The following PRKCA variants were observed in gnomAD, a reference collection of about 807,000 sequenced individuals.
The protein encoded by PRKCA is protein kinase C alpha type.
A neutral mutation model predicts 87.0 loss-of-function variants in PRKCA; 27 were observed. That is an observed-to-expected ratio of 0.31 (90% CI 0.23 to 0.43). The LOEUF is 0.43. Among genes scored for constraint, PRKCA ranks in the 20% least tolerant of loss-of-function variants. PRKCA has a pLI of 1.00. For synonymous variants in PRKCA, 329 were observed against 311.1 expected (o/e 1.06, Z -0.61); for missense variants, 518 against 852.3 (o/e 0.61, Z 4.88).
chr17:66,598,155 C>T (rs1970021397), intron 3 of PRKCA, among the ~76,000 whole-genome samples: 1 of 4,834 alleles, frequency 2.1e-4, no homozygotes, highest in South Asian at 0.011. Context: ...GGCATTGAAT[C>T]TGTAAATTAC....
At chr17:66,447,657 T>C (rs1192119298) in intron 2 of PRKCA, among the ~76,000 whole-genome samples, 1 of 152,214 alleles carries the variant, frequency 6.6e-6, no homozygotes, top group Non-Finnish European at 1.5e-5. Flanking sequence ...CTAGACTCAG[T>C]GTGACCATCT....
rs754111106 is a variant in PRKCA at position 66,741,638 on chromosome 17, G to C, written c.1323-21G>C. On this transcript the variant is annotated intron_variant, in intron 11 of 16. Transcript: ENST00000413366. ...ATCTAAGGAAGCAAGTGAGAAACCT[G>C]AAGCCCGTTTTCTTTTGCAGATTCT... 29 of 1,613,754 alleles carry C rather than the reference G, an allele frequency of 1.8e-5. No individual in the cohort carries two copies. In the Admixed American group the frequency reaches 4.8e-4, roughly 27 times the overall value.
intron 3 of PRKCA, among the ~76,000 whole-genome samples, chr17:66,501,261 G>A (rs923630439): frequency 6.6e-6 from 1 of 152,196 alleles, no homozygotes; most frequent in South Asian, 2.1e-4. Context: ...TTGAGAGTAT[G>A]CATTAGTGCA....
At chr17:66,356,895 C>T (rs1598613012) in intron 2 of PRKCA, among the ~76,000 whole-genome samples, 1 of 152,302 alleles carries the variant, frequency 6.6e-6, no homozygotes, top group Non-Finnish European at 1.5e-5. Flanking sequence ...GCTGAGACTA[C>T]AGCCACACCA....
chr17:66,603,848 G>A (rs1455667745), intron 3 of PRKCA, among the ~76,000 whole-genome samples: 2 of 152,126 alleles, frequency 1.3e-5, no homozygotes, highest in Non-Finnish European at 2.9e-5. Flanking sequence ...CCTCACATAA[G>A]CAGAATCATT....
intron 3 of PRKCA, among the ~76,000 whole-genome samples, chr17:66,618,327 C>A (rs1970571303): frequency 6.7e-6 from 1 of 148,432 alleles, no homozygotes; most frequent in Non-Finnish European, 1.5e-5. Flanking sequence ...TGCACTCCAG[C>A]CTGGCCAATG....
intron 3 of PRKCA, among the ~76,000 whole-genome samples, chr17:66,572,603 G>C (rs953931764): frequency 1.3e-5 from 2 of 152,112 alleles, no homozygotes; most frequent in African/African-American, 4.8e-5. Context: ...GGGCTCAAAA[G>C]ATCCTCCCAC....
intron 3 of PRKCA, among the ~76,000 whole-genome samples, chr17:66,497,261 G>A (rs1916515943): frequency 1.3e-5 from 2 of 152,140 alleles, no homozygotes; most frequent in Admixed American, 1.3e-4. Flanking sequence ...ACTTTGGAAG[G>A]CTGAGGCGGG....
chr17:66,413,979 C>T (rs1418495572), intron 2 of PRKCA, among the ~76,000 whole-genome samples: 3 of 148,096 alleles, frequency 2.0e-5, no homozygotes, highest in Non-Finnish European at 3.0e-5. Context: ...CACCACTGCT[C>T]TCCAGTCTGG....
At chr17:66,723,844 C>T (rs1198919359) in intron 8 of PRKCA, among the ~76,000 whole-genome samples, 1 of 152,098 alleles carries the variant, frequency 6.6e-6, no homozygotes, top group African/African-American at 2.4e-5. Flanking sequence ...TCCAGAGTCA[C>T]ACAGCAAAAA....
At chr17:66,362,145 C>T (rs1598615883) in intron 2 of PRKCA, among the ~76,000 whole-genome samples, 1 of 152,064 alleles carries the variant, frequency 6.6e-6, no homozygotes, top group Non-Finnish European at 1.5e-5. Flanking sequence ...AAGCGATTCT[C>T]CTGCCTCAGT....
intron 3 of PRKCA, among the ~76,000 whole-genome samples, chr17:66,557,710 C>CT (rs1968543687): frequency 6.6e-6 from 1 of 152,160 alleles, no homozygotes; most frequent in African/African-American, 2.4e-5. Context: ...TTCAGCAATA[C>CT]TATCAGTGCT....
intron 2 of PRKCA, among the ~76,000 whole-genome samples, chr17:66,388,177 G>A (rs1910168573): frequency 6.6e-6 from 1 of 152,186 alleles, no homozygotes; most frequent in Non-Finnish European, 1.5e-5. Context: ...AGGATATGTG[G>A]GTGGGAGGGG....
intron 2 of PRKCA, among the ~76,000 whole-genome samples, chr17:66,421,384 A>G (rs1163675815): frequency 7.1e-6 from 1 of 140,274 alleles, no homozygotes; most frequent in African/African-American, 2.7e-5. Flanking sequence ...ACTTACCTCT[A>G]TTGTCAGTTT....
At chr17:66,371,738 G>A (rs1366593877) in intron 2 of PRKCA, among the ~76,000 whole-genome samples, 7 of 152,202 alleles carry the variant, frequency 4.6e-5, no homozygotes, top group African/African-American at 7.2e-5. Context: ...AGGCCACTAG[G>A]TGATACATTA....
intron 3 of PRKCA, among the ~76,000 whole-genome samples, chr17:66,557,668 G>T (rs1176287408): frequency 2.0e-5 from 3 of 152,100 alleles, no homozygotes; most frequent in Admixed American, 6.5e-5. Flanking sequence ...CCTTTTCTAG[G>T]ATGCTTTATA....
At chr17:66,697,828 A>G (rs914607151) in intron 8 of PRKCA, among the ~76,000 whole-genome samples, 1 of 145,800 alleles carries the variant, frequency 6.9e-6, no homozygotes, top group Non-Finnish European at 1.5e-5. Context: ...ATGTGCCCCC[A>G]TGGACAGTGA....
chr17:66,802,398 G>T (rs1975921330), intron 16 of PRKCA, among the ~76,000 whole-genome samples: 1 of 152,038 alleles, frequency 6.6e-6, no homozygotes, highest in Non-Finnish European at 1.5e-5. Context: ...GGTGGCTCAT[G>T]CCTGTAATCC....
chr17:66,740,226 C>T (rs545483683), intron 11 of PRKCA, among the ~76,000 whole-genome samples: 4 of 151,986 alleles, frequency 2.6e-5, no homozygotes, highest in Non-Finnish European at 4.4e-5. Context: ...CGGGAGTCGG[C>T]AGCACAGGAG....
Sources: gnomAD v4.1 joint callset for allele counts (sites outside exome capture counted in the v4.1 genomes callset) on GRCh38, gnomAD v4.1.1 for gene constraint, MANE v1.5 for transcripts, NCBI Gene and HGNC (gene_info 2026-07-23, HGNC 2026-07-21) for gene names.